The following CADM2 variants were observed in gnomAD, a reference collection of about 807,000 sequenced individuals.
CADM2 encodes immunoglobulin superfamily member 4D.
Under a neutral mutation model 49.8 loss-of-function variants are expected in CADM2, and 12 were observed. The ratio of observed to expected loss-of-function variants is 0.24; its 90% CI spans 0.15 to 0.39. CADM2 has a LOEUF of 0.39. Ranked by LOEUF, CADM2 falls within the 10% of genes least tolerant of loss-of-function variation. CADM2 has a pLI of 1.00. For synonymous variants in CADM2, 214 were observed against 175.4 expected, an observed-to-expected ratio of 1.22 and a Z score of -1.74; for missense variants, 378 against 492.3, an observed-to-expected ratio of 0.77 and a Z score of 2.20.
intron 7 of CADM2, among the ~76,000 whole-genome samples, chr3:85,938,210 G>A (rs1040272788): frequency 2.6e-5 from 4 of 151,964 alleles, no homozygotes; most frequent in Admixed American, 6.6e-5. Context: ...TAGCCTTTCT[G>A]TAGTTTATAT....
intron 3 of CADM2, among the ~76,000 whole-genome samples, chr3:85,882,360 C>G (rs1442209426): frequency 6.6e-6 from 1 of 152,070 alleles, no homozygotes; most frequent in Non-Finnish European, 1.5e-5. Flanking sequence ...TGGATGGATT[C>G]TCATTTGATC....
chr3:85,756,363 A>T (rs1446416771), intron 2 of CADM2, among the ~76,000 whole-genome samples: 2 of 152,176 alleles, frequency 1.3e-5, no homozygotes, highest in African/African-American at 4.8e-5. Context: ...TTAGGCAATG[A>T]TTAATTCTGA....
chr3:85,510,758 CATCT>C (rs1380415867), intron 1 of CADM2, among the ~76,000 whole-genome samples: 2 of 151,956 alleles, frequency 1.3e-5, no homozygotes, highest in Admixed American at 6.6e-5. Context: ...GTCTTTCATT[CATCT>C]ATCTATTTAT....
intron 1 of CADM2, among the ~76,000 whole-genome samples, chr3:85,384,664 A>C (rs1032913469): frequency 1.4e-5 from 2 of 144,522 alleles, no homozygotes; most frequent in African/African-American, 5.4e-5. Flanking sequence ...ATATTTTGTC[A>C]AAAAAAATGT....
chr3:85,187,263 CT>C (rs2041086975), intron 1 of CADM2, among the ~76,000 whole-genome samples: 1 of 152,084 alleles, frequency 6.6e-6, no homozygotes. Flanking sequence ...TGTCTATATT[CT>C]TTTGGCCTCT....
intron 3 of CADM2, among the ~76,000 whole-genome samples, chr3:85,830,490 G>A (rs926036628): frequency 4.6e-5 from 7 of 151,730 alleles, no homozygotes; most frequent in Non-Finnish European, 7.4e-5. Context: ...TCATTTTATT[G>A]ATTCTTTCCT....
intron 6 of CADM2, among the ~76,000 whole-genome samples, chr3:85,923,665 A>T (rs1371773741): frequency 1.3e-5 from 2 of 152,172 alleles, no homozygotes; most frequent in Non-Finnish European, 2.9e-5. Context: ...CTATAAGCAC[A>T]TAAGGATTAG....
At chr3:85,702,416 A>G (rs2066809009) in intron 1 of CADM2, among the ~76,000 whole-genome samples, 3 of 152,052 alleles carry the variant, frequency 2.0e-5, no homozygotes, top group Admixed American at 1.3e-4. Flanking sequence ...CCACAGCTAG[A>G]AGGCTTAAAA....
At chr3:85,825,556 A>C (rs2073860963) in intron 3 of CADM2, among the ~76,000 whole-genome samples, 1 of 152,090 alleles carries the variant, frequency 6.6e-6, no homozygotes, top group African/African-American at 2.4e-5. Context: ...TGCTCAAGAC[A>C]TAGTGTAGCC....
intron 1 of CADM2, among the ~76,000 whole-genome samples, chr3:85,047,789 T>A (rs2035723504): frequency 1.3e-5 from 2 of 152,148 alleles, no homozygotes; most frequent in Admixed American, 1.3e-4. Context: ...CGTGACCACT[T>A]TTGAATAATC....
chr3:86,056,260 C>T (rs1276237094), intron 8 of CADM2, among the ~76,000 whole-genome samples: 1 of 152,102 alleles, frequency 6.6e-6, no homozygotes, highest in South Asian at 2.1e-4. Context: ...TGGAGTTGTT[C>T]AGATTCTTCA....
chr3:85,593,902 C>G (rs553211147), intron 1 of CADM2, among the ~76,000 whole-genome samples: 1 of 151,542 alleles, frequency 6.6e-6, no homozygotes, highest in South Asian at 2.1e-4. Context: ...GAAACACAAT[C>G]GAGATTTATT....
intron 3 of CADM2, among the ~76,000 whole-genome samples, chr3:85,827,799 C>T (rs541774328): frequency 6.6e-6 from 1 of 151,912 alleles, no homozygotes; most frequent in Non-Finnish European, 1.5e-5. Context: ...TCTCATATAT[C>T]GTACTCAAAG....
chr3:85,015,224 A>C (rs1300950928), intron 1 of CADM2, among the ~76,000 whole-genome samples: 1 of 152,130 alleles, frequency 6.6e-6, no homozygotes, highest in African/African-American at 2.4e-5. Flanking sequence ...TTAAGCCAGA[A>C]AAAAATGTTT....
At chr3:85,779,677 G>A (rs951212683) in intron 2 of CADM2, among the ~76,000 whole-genome samples, 2 of 152,100 alleles carry the variant, frequency 1.3e-5, no homozygotes, top group Non-Finnish European at 2.9e-5. Flanking sequence ...GGGATTATGG[G>A]AACTACAATT....
chr3:85,400,967 A>G (rs2035077655), intron 1 of CADM2, among the ~76,000 whole-genome samples: 1 of 152,134 alleles, frequency 6.6e-6, no homozygotes, highest in African/African-American at 2.4e-5. Flanking sequence ...CCTGACCAAA[A>G]TCCCCTCCCG....
chr3:85,817,293 C>T (rs116357632), intron 3 of CADM2, among the ~76,000 whole-genome samples: 1,795 of 152,208 alleles, frequency 0.012, 28 homozygotes, highest in African/African-American at 0.04. Context: ...TTCCATATCA[C>T]TCACTTTCAC....
intron 1 of CADM2, among the ~76,000 whole-genome samples, chr3:85,122,104 C>T (rs1398261353): frequency 6.6e-6 from 1 of 151,872 alleles, no homozygotes; most frequent in South Asian, 2.1e-4. Context: ...CTCCTTCAGT[C>T]ACCTCTCTCA....
At chr3:85,386,131 G>T (rs942131908) in intron 1 of CADM2, among the ~76,000 whole-genome samples, 1 of 152,140 alleles carries the variant, frequency 6.6e-6, no homozygotes, top group Non-Finnish European at 1.5e-5. Flanking sequence ...TCACTAGGCT[G>T]CAGTAAGCAG....
Sources: allele counts gnomAD v4.1 joint callset (sites outside exome capture counted in the v4.1 genomes callset), GRCh38; gene constraint gnomAD v4.1.1; transcripts MANE v1.5; gene names NCBI Gene and HGNC (gene_info 2026-07-23, HGNC 2026-07-21).